Variants in C7orf78 observed in about 807,000 individuals in gnomAD.
C7orf78 encodes the protein putative uncharacterized protein C7orf78.
At chr7:12,494,271 C>A in the C7orf78 span, among the ~76,000 whole-genome samples, 1 of 152,154 alleles carries the variant, frequency 6.6e-6, no homozygotes, top group Non-Finnish European at 1.5e-5. Context: ...CTGGTCTCAG[C>A]TGTGGTGCAC....
chr7:12,500,431 A>G, the C7orf78 span, among the ~76,000 whole-genome samples: 3 of 150,634 alleles, frequency 2.0e-5, no homozygotes, highest in South Asian at 2.1e-4. Flanking sequence ...ACAAACTACC[A>G]TCAGAGAATA....
At chr7:12,487,834 T>C in the C7orf78 span, among the ~76,000 whole-genome samples, 1 of 152,044 alleles carries the variant, frequency 6.6e-6, no homozygotes, top group Non-Finnish European at 1.5e-5. Flanking sequence ...GTCAATGTAC[T>C]TGTTTAAAAT....
chr7:12,537,277 G>C, the C7orf78 span, among the ~76,000 whole-genome samples: 50 of 152,178 alleles, frequency 3.3e-4, 1 homozygote, highest in South Asian at 2.7e-3. Context: ...CAAGAGAAGA[G>C]AGCTTTTGCA....
chr7:12,516,997 G>A, the C7orf78 span, among the ~76,000 whole-genome samples: 2 of 152,154 alleles, frequency 1.3e-5, no homozygotes, highest in South Asian at 2.1e-4. Context: ...TTGGGAGATT[G>A]TTGGGAAGGC....
At chr7:12,496,688 G>A in the C7orf78 span, 1 of 152,236 alleles carries the variant, frequency 6.6e-6, no homozygotes, top group Non-Finnish European at 1.5e-5. Flanking sequence ...GAAATCTGGA[G>A]TCATAATCTA....
chr7:12,485,113 T>C, the C7orf78 span, among the ~76,000 whole-genome samples: 6 of 141,276 alleles, frequency 4.2e-5, no homozygotes, highest in Admixed American at 1.5e-4. Context: ...TTGCACGTCA[T>C]AGGGCCTCTA....
chr7:12,521,919 C>G, the C7orf78 span, among the ~76,000 whole-genome samples: 2 of 151,732 alleles, frequency 1.3e-5, no homozygotes, highest in African/African-American at 2.4e-5. Context: ...TTACATGCTT[C>G]TTGTTTTTCT....
the C7orf78 span, among the ~76,000 whole-genome samples, chr7:12,502,407 C>T: frequency 6.6e-6 from 1 of 151,584 alleles, no homozygotes; most frequent in Non-Finnish European, 1.5e-5. Flanking sequence ...ACAACCCCAT[C>T]AAAAAGTGGG....
At chr7:12,516,569 G>T in the C7orf78 span, among the ~76,000 whole-genome samples, 29 of 152,176 alleles carry the variant, frequency 1.9e-4, no homozygotes, top group Admixed American at 9.2e-4. Context: ...CTGACAGCTT[G>T]CACCATGTGC....
the C7orf78 span, among the ~76,000 whole-genome samples, chr7:12,495,130 A>T: frequency 6.6e-6 from 1 of 152,170 alleles, no homozygotes; most frequent in South Asian, 2.1e-4. Context: ...TGTCCAACAG[A>T]GTGTCCTGGG....
the C7orf78 span, among the ~76,000 whole-genome samples, chr7:12,527,564 A>G: frequency 8.5e-6 from 1 of 117,534 alleles, no homozygotes; most frequent in South Asian, 2.9e-4. Context: ...TTGAAATGGA[A>G]CATGTCAGCT....
At chr7:12,534,268 C>T in the C7orf78 span, among the ~76,000 whole-genome samples, 1 of 151,942 alleles carries the variant, frequency 6.6e-6, no homozygotes, top group African/African-American at 2.4e-5. Context: ...AAAAATTTTC[C>T]GTAATTTAAG....
At chr7:12,518,328 G>A in the C7orf78 span, among the ~76,000 whole-genome samples, 5 of 152,118 alleles carry the variant, frequency 3.3e-5, no homozygotes, top group Non-Finnish European at 7.4e-5. Context: ...TTGTCCAGTT[G>A]AGCCAATTAT....
the C7orf78 span, among the ~76,000 whole-genome samples, chr7:12,527,742 T>C: frequency 2.0e-5 from 3 of 149,298 alleles, no homozygotes; most frequent in African/African-American, 7.5e-5. Flanking sequence ...TTTCCTAGTA[T>C]ATGCTATGTG....
the C7orf78 span, among the ~76,000 whole-genome samples, chr7:12,537,472 A>G: frequency 1.4e-4 from 22 of 152,316 alleles, no homozygotes; most frequent in East Asian, 2.3e-3. Flanking sequence ...AAACCATATC[A>G]ATAGGCAAGG....
At chr7:12,534,842 T>C in the C7orf78 span, among the ~76,000 whole-genome samples, 1 of 151,962 alleles carries the variant, frequency 6.6e-6, no homozygotes, top group Non-Finnish European at 1.5e-5. Context: ...TGGTCTCAGC[T>C]ACACTAGAGG....
At chr7:12,522,618 C>G in the C7orf78 span, among the ~76,000 whole-genome samples, 2 of 152,148 alleles carry the variant, frequency 1.3e-5, no homozygotes, top group African/African-American at 4.8e-5. Flanking sequence ...CTTGATAAAG[C>G]TAGCTGACCA....
At chr7:12,527,634 T>A in the C7orf78 span, among the ~76,000 whole-genome samples, 5 of 134,582 alleles carry the variant, frequency 3.7e-5, no homozygotes, top group Non-Finnish European at 3.2e-5. Flanking sequence ...GCTGTGTAAT[T>A]GAAATGGAAC....
chr7:12,514,907 G>A, the C7orf78 span, among the ~76,000 whole-genome samples: 248 of 151,714 alleles, frequency 1.6e-3, 1 homozygote, highest in African/African-American at 5.7e-3. Context: ...ATCCATAGGT[G>A]ATAGGATTTT....
Sources: gnomAD v4.1 joint callset for allele counts (sites outside exome capture counted in the v4.1 genomes callset) on GRCh38, gnomAD v4.1.1 for gene constraint, MANE v1.5 for transcripts, NCBI Gene and HGNC (gene_info 2026-07-23, HGNC 2026-07-21) for gene names.